ERI1: variants seen among roughly 807,000 people sequenced by gnomAD.
ERI1 encodes the protein exoribonuclease 1.
In ERI1, 39 loss-of-function variants were observed where a neutral mutation model predicts 39.7. That is an observed-to-expected ratio of 0.98 (90% CI 0.76 to 1.28). ERI1 has a LOEUF of 1.28. Among genes scored for constraint, ERI1 ranks in the 50% most tolerant of loss-of-function variants. The pLI is 0.00. For synonymous variants in ERI1, 204 were observed against 149.6 expected (o/e 1.36, Z -2.65); for missense variants, 581 against 416.9 (o/e 1.39, Z -3.43).
chr8:9,072,773 C>T (rs1193731346), intron 3 of ERI1, among the ~76,000 whole-genome samples: 2 of 152,086 alleles, frequency 1.3e-5, no homozygotes, highest in Non-Finnish European at 2.9e-5. Context: ...GAGTGACCCC[C>T]CACCCCACTC....
chr8:9,029,828 G>C lies in ERI1; in HGVS notation c.844G>C (p.Glu282Gln), dbSNP rs1797458741. 6.2e-6 allele frequency: 10 copies of C among 1,614,036 alleles called. No individual in the cohort carries two copies. Among genetic ancestry groups the C allele is most frequent in the Non-Finnish European group, 8.5e-6 (10 of 1,180,028 alleles). Residue 282 changes from glutamate to glutamine, a missense_variant, in exon 7 of 7, where the codon GAA becomes CAA. Physicochemically the swap from Glu to Gln is conservative, Grantham distance 29. Transcript: ENST00000250263. ...RSQTKLTIML[E>Q]KLGMDYDGRP... ...CCAAACCAAACTGACAATAATGCTT[G>C]AAAAATTAGGAATGGATTATGATGG...
chr8:9,094,253 C>T (rs965683483), intron 3 of ERI1, among the ~76,000 whole-genome samples: 5 of 152,158 alleles, frequency 3.3e-5, no homozygotes, highest in East Asian at 1.9e-4. Flanking sequence ...TGAGAATCGT[C>T]GTGGACTCTC....
intron 3 of ERI1, among the ~76,000 whole-genome samples, chr8:9,072,726 C>T (rs112864884): frequency 1.2e-4 from 19 of 152,290 alleles, no homozygotes; most frequent in African/African-American, 3.6e-4. Flanking sequence ...ACCAGAGCTT[C>T]ATCTTGACAT....
At chr8:9,081,527 A>G (rs1218260231) in intron 3 of ERI1, among the ~76,000 whole-genome samples, 5 of 151,906 alleles carry the variant, frequency 3.3e-5, no homozygotes, top group East Asian at 1.9e-4. Context: ...CTCTCCGGCC[A>G]TCCTTCCCCT....
chr8:9,067,230 C>A (rs528130453), intron 3 of ERI1, among the ~76,000 whole-genome samples: 1 of 152,100 alleles, frequency 6.6e-6, no homozygotes, highest in South Asian at 2.1e-4. Context: ...ATGTTATACT[C>A]AAAGACTGTA....
intron 3 of ERI1, among the ~76,000 whole-genome samples, chr8:9,041,906 G>T (rs1231494222): frequency 6.6e-6 from 1 of 152,122 alleles, no homozygotes; most frequent in Non-Finnish European, 1.5e-5. Flanking sequence ...AGCTGATTTT[G>T]TATTTTTAGT....
At chr8:9,010,329 TAAAAA>T (rs376655586) in intron 2 of ERI1, among the ~76,000 whole-genome samples, 3 of 151,956 alleles carry the variant, frequency 2.0e-5, no homozygotes, top group African/African-American at 7.3e-5. Context: ...AATAAAAAGA[TAAAAA>T]AAGAAAGTAA....
chr8:9,013,459 T>C (rs1450255882), intron 3 of ERI1, among the ~76,000 whole-genome samples: 6 of 152,148 alleles, frequency 3.9e-5, no homozygotes. Context: ...CAGTTTTCTT[T>C]GCTGGTTCCT....
At chr8:9,083,565 G>A (rs1799433251) in intron 3 of ERI1, among the ~76,000 whole-genome samples, 1 of 151,174 alleles carries the variant, frequency 6.6e-6, no homozygotes, top group Admixed American at 6.6e-5. Flanking sequence ...AATCAATACT[G>A]CCTCATGATG....
intron 3 of ERI1, among the ~76,000 whole-genome samples, chr8:9,013,315 A>T (rs1008653126): frequency 7.7e-6 from 1 of 129,220 alleles, no homozygotes; most frequent in Non-Finnish European, 1.7e-5. Flanking sequence ...ATGCCCGGCC[A>T]TTCTCACTTA....
chr8:9,067,943 CAT>C (rs929451883), intron 3 of ERI1, among the ~76,000 whole-genome samples: 8 of 151,630 alleles, frequency 5.3e-5, no homozygotes, highest in African/African-American at 7.3e-5. Flanking sequence ...CACACACACA[CAT>C]ATATGTATAT....
chr8:9,021,680 A>G (rs537651126), intron 6 of ERI1, among the ~76,000 whole-genome samples: 4 of 151,090 alleles, frequency 2.6e-5, no homozygotes, highest in Non-Finnish European at 4.4e-5. Context: ...TTATAGCTTT[A>G]GTATTTAAAT....
Position 9,020,374 on chromosome 8 carries a change from G to A in ERI1, c.717G>A (p.Leu239=). The change falls in exon 6 of 7, where the codon TTG becomes TTA. Residue 239 remains leucine, a synonymous_variant. Coordinates refer to ENST00000250263, the MANE Select transcript of ERI1 (RefSeq NM_153332.4). ...GTTCTTGGGATATGAGTAAGTTCTTGAACATTCAGTGTCAACTCAGCAGGC... is the reference window on the plus strand; with the variant it reads ...GTTCTTGGGATATGAGTAAGTTCTTAAACATTCAGTGTCAACTCAGCAGGC... The part of the protein sequence containing the change: ...TDGSWDMSKF[L]NIQCQLSRLK... 1 of 1,593,798 alleles carries A rather than the reference G, an allele frequency of 6.3e-7. No individual in the cohort carries two copies. The highest frequency in any genetic ancestry group is 8.5e-7 in the Non-Finnish European group (1 of 1,172,208).
chr8:9,043,030 G>C (rs1053017535), intron 3 of ERI1, among the ~76,000 whole-genome samples: 6 of 152,234 alleles, frequency 3.9e-5, no homozygotes, highest in African/African-American at 1.2e-4. Context: ...CATTTCTGCT[G>C]TTGGAATAGA....
At chr8:9,081,523 G>C (rs368266115) in intron 3 of ERI1, among the ~76,000 whole-genome samples, 1 of 151,796 alleles carries the variant, frequency 6.6e-6, no homozygotes, top group Non-Finnish European at 1.5e-5. Context: ...TTTTCTCTCC[G>C]GCCATCCTTC....
Position 9,044,770 on chromosome 8 carries a change from T to A in ERI1, n.299+24306T>A, listed in dbSNP as rs1179344784. The stretch of plus-strand genomic sequence containing the variant: ...CACTGGAGTCTCCAAGACGGTATTT[T>A]CCCAGTGGAGTTCTCCTTTTCCTCA... On this transcript the variant is annotated intron_variant and non_coding_transcript_variant, in intron 3 of 3. Coordinates refer to the ERI1 transcript ENST00000518663. 2.6e-5 allele frequency among the ~76,000 whole-genome samples: 4 copies of A among 152,056 alleles called. No individual in the cohort carries two copies. In the East Asian group the frequency reaches 7.7e-4, roughly 29 times the overall value.
intron 3 of ERI1, among the ~76,000 whole-genome samples, chr8:9,044,786 C>G (rs1182659331): frequency 6.6e-6 from 1 of 152,068 alleles, no homozygotes; most frequent in Non-Finnish European, 1.5e-5. Flanking sequence ...TGGAGTTCTC[C>G]TTTTCCTCAA....
At position 9,031,632 on chromosome 8, in the gene ERI1, C is replaced by G. The variant is rs1447505558; in HGVS notation, c.*1598C>G. On this transcript the variant is annotated 3_prime_UTR_variant, in exon 7 of 7. Coordinates refer to ENST00000250263, the MANE Select transcript of ERI1 (RefSeq NM_153332.4). ...ATCTGATGATGACGAGGAAATATTA[C>G]GTTTCCAGTTTTTTTAGCTCTATCT... 4 of 152,128 alleles carry G rather than the reference C, an allele frequency of 2.6e-5. No homozygotes were observed. The highest frequency in any genetic ancestry group is 1.3e-4 in the Admixed American group (2 of 15,278). The allele number at this position is 152,128 out of a possible 1,614,324, so 9.4% of individuals were successfully genotyped here.
At chr8:9,078,520 C>T (rs1799275200) in intron 3 of ERI1, among the ~76,000 whole-genome samples, 1 of 152,162 alleles carries the variant, frequency 6.6e-6, no homozygotes, top group South Asian at 2.1e-4. Flanking sequence ...GACTCTGCTT[C>T]CCCTCACACT....
Sources: allele counts gnomAD v4.1 joint callset (sites outside exome capture counted in the v4.1 genomes callset), GRCh38; gene constraint gnomAD v4.1.1; transcripts MANE v1.5; gene names NCBI Gene and HGNC (gene_info 2026-07-23, HGNC 2026-07-21).